The following FTO variants were observed in gnomAD, a reference collection of about 807,000 sequenced individuals.
The protein encoded by FTO is FTO alpha-ketoglutarate dependent dioxygenase, also known as alpha-ketoglutarate-dependent dioxygenase FTO.
In FTO, 47 loss-of-function variants were observed where a neutral mutation model predicts 63.9. That is an observed-to-expected ratio of 0.74 (90% CI 0.58 to 0.94). FTO has a LOEUF of 0.94. Ranked by LOEUF, FTO falls within the 40% of genes least tolerant of loss-of-function variation. FTO has a pLI of 0.00. For synonymous variants in FTO, 207 were observed against 224.4 expected (o/e 0.92, Z 0.69); for missense variants, 562 against 618.1 (o/e 0.91, Z 0.96).
intron 4 of FTO, among the ~76,000 whole-genome samples, chr16:53,862,061 C>T (rs928403090): frequency 2.6e-5 from 4 of 152,088 alleles, no homozygotes; most frequent in Non-Finnish European, 5.9e-5. Flanking sequence ...ACCAGCCTGG[C>T]CAACACAGCA....
intron 1 of FTO, among the ~76,000 whole-genome samples, chr16:53,714,741 ATAG>A: frequency 6.6e-6 from 1 of 152,304 alleles, no homozygotes; most frequent in South Asian, 2.1e-4. Flanking sequence ...TAATTGGGAA[ATAG>A]TAGTCATTGT....
At chr16:53,806,750 A>G (rs1216542010) in intron 1 of FTO, among the ~76,000 whole-genome samples, 1 of 152,252 alleles carries the variant, frequency 6.6e-6, no homozygotes, top group Non-Finnish European at 1.5e-5. Context: ...TTCTACAAGT[A>G]ATGATGTAAT....
At chr16:53,713,646 G>A (rs1211661015) in intron 1 of FTO, among the ~76,000 whole-genome samples, 1 of 152,162 alleles carries the variant, frequency 6.6e-6, no homozygotes, top group Non-Finnish European at 1.5e-5. Context: ...TCCTTGGCAT[G>A]CTCTTTGTTA....
chr16:53,714,520 A>G (rs1376923009), intron 1 of FTO, among the ~76,000 whole-genome samples: 1 of 152,144 alleles, frequency 6.6e-6, no homozygotes, highest in East Asian at 1.9e-4. Context: ...GTCTGTCAGC[A>G]CAACAGCATT....
chr16:54,084,328 T>G, intron 8 of FTO, among the ~76,000 whole-genome samples: 1 of 152,200 alleles, frequency 6.6e-6, no homozygotes, highest in Non-Finnish European at 1.5e-5. Flanking sequence ...CCTGTTCTAG[T>G]CTTTTCCAAG....
At chr16:53,770,097 G>GA in intron 1 of FTO, among the ~76,000 whole-genome samples, 1 of 151,980 alleles carries the variant, frequency 6.6e-6, no homozygotes, top group East Asian at 1.9e-4. Context: ...TATGAGACTT[G>GA]AAAAAAATGT....
intron 8 of FTO, among the ~76,000 whole-genome samples, chr16:54,100,747 G>A (rs746034477): frequency 2.6e-5 from 4 of 152,298 alleles, no homozygotes; most frequent in South Asian, 4.2e-4. Flanking sequence ...GAGGTACAAT[G>A]TCTTTATAAT....
chr16:53,892,732 T>G (rs1489255648), intron 7 of FTO, among the ~76,000 whole-genome samples: 2 of 152,222 alleles, frequency 1.3e-5, no homozygotes, highest in Admixed American at 6.5e-5. Flanking sequence ...TTTCCCCTTT[T>G]GCTTATGAGT....
At chr16:53,854,028 G>A (rs1352321016) in intron 4 of FTO, among the ~76,000 whole-genome samples, 2 of 152,012 alleles carry the variant, frequency 1.3e-5, no homozygotes, top group South Asian at 2.1e-4. Context: ...CTAGGATAAG[G>A]TGATATCTCA....
intron 6 of FTO, among the ~76,000 whole-genome samples, chr16:53,880,558 G>C (rs1257659628): frequency 2.0e-5 from 3 of 152,144 alleles, no homozygotes; most frequent in Non-Finnish European, 4.4e-5. Context: ...CACTGTTCTG[G>C]AAGGTAGCAA....
Position 53,787,205 on chromosome 16 carries a change from T to A in FTO, c.46-22935T>A, listed in dbSNP as rs375692276. Among the ~76,000 whole-genome samples, 55 of 150,726 alleles carry A rather than the reference T, an allele frequency of 3.6e-4. No individual in the cohort carries two copies. The South Asian group carries it at 0.011, about 32-fold the overall frequency. On this transcript the variant is annotated intron_variant, in intron 1 of 8. Coordinates refer to ENST00000471389, the MANE Select transcript of FTO (RefSeq NM_001080432.3). ...ACCTTCAATTTCTAGGGCAGCAGCG[T>A]TTGCTTTACAACTTCTATGTCTTGG...
intron 3 of FTO, 80 bp downstream of exon 3, chr16:53,826,571 A>C (rs2079012247): frequency 1.6e-6 from 2 of 1,268,792 alleles, no homozygotes. Context: ...ATACACACGC[A>C]TATACATGAA....
At chr16:54,097,582 A>T (rs1388405015) in intron 8 of FTO, among the ~76,000 whole-genome samples, 1 of 152,216 alleles carries the variant, frequency 6.6e-6, no homozygotes, top group African/African-American at 2.4e-5. Flanking sequence ...AGGAGATACA[A>T]TTCAGATGCA....
At chr16:53,975,133 G>A (rs960230753) in intron 8 of FTO, among the ~76,000 whole-genome samples, 4 of 151,418 alleles carry the variant, frequency 2.6e-5, no homozygotes, top group Admixed American at 6.6e-5. Flanking sequence ...ATTAGCATTC[G>A]ACAACTAAAA....
intron 8 of FTO, among the ~76,000 whole-genome samples, chr16:54,111,127 T>A (rs2086875057): frequency 6.6e-6 from 1 of 152,216 alleles, no homozygotes; most frequent in Non-Finnish European, 1.5e-5. Flanking sequence ...AGGGACTAAC[T>A]CTTGCTGGCC....
At chr16:54,038,796 A>G (rs1295076211) in intron 8 of FTO, among the ~76,000 whole-genome samples, 10 of 152,180 alleles carry the variant, frequency 6.6e-5, no homozygotes, top group Admixed American at 5.9e-4. Context: ...CTGCGGCCTC[A>G]TCAGAAGCCA....
At chr16:53,803,383 C>T (rs1244765483) in intron 1 of FTO, among the ~76,000 whole-genome samples, 2 of 151,976 alleles carry the variant, frequency 1.3e-5, no homozygotes, top group East Asian at 1.9e-4. Context: ...AGTGTTGGCT[C>T]CCATTATTGG....
intron 8 of FTO, among the ~76,000 whole-genome samples, chr16:53,946,666 A>G (rs2082657633): frequency 1.3e-5 from 2 of 151,990 alleles, no homozygotes; most frequent in South Asian, 4.2e-4. Flanking sequence ...CCTGGTCTGA[A>G]CTCCAGGAAG....
At chr16:53,781,819 T>A (rs2077595979) in intron 1 of FTO, among the ~76,000 whole-genome samples, 1 of 151,152 alleles carries the variant, frequency 6.6e-6, no homozygotes, top group Non-Finnish European at 1.5e-5. Context: ...TTTGTTTGTT[T>A]ATAAGTGAGC....
Sources: allele counts gnomAD v4.1 joint callset (sites outside exome capture counted in the v4.1 genomes callset), GRCh38; gene constraint gnomAD v4.1.1; transcripts MANE v1.5; gene names NCBI Gene and HGNC (gene_info 2026-07-23, HGNC 2026-07-21).